The following SLC44A3 variants were observed in gnomAD, a reference collection of about 807,000 sequenced individuals.
SLC44A3 encodes solute carrier family 44 member 3.
A neutral mutation model predicts 75.4 loss-of-function variants in SLC44A3; 74 were observed. The observed-to-expected ratio is 0.98, with a 90% confidence interval of 0.81 to 1.19. SLC44A3 has a LOEUF of 1.19. Among genes scored for constraint, SLC44A3 ranks in the 50% most tolerant of loss-of-function variants. The pLI is 0.00. For missense variants in SLC44A3, 700 were observed against 778.6 expected, an observed-to-expected ratio of 0.90 and a Z score of 1.20; for synonymous variants, 310 against 296.9, an observed-to-expected ratio of 1.04 and a Z score of -0.45.
At chr1:94,894,171 T>TAAG (rs1571503399) in intron 14 of SLC44A3, among the ~76,000 whole-genome samples, 1 of 152,336 alleles carries the variant, frequency 6.6e-6, no homozygotes, top group East Asian at 1.9e-4. Context: ...GAAACTTTCT[T>TAAG]AAGGATCCAG....
Position 94,876,602 on chromosome 1 carries a change from A to T in SLC44A3, c.1482+9185A>T, listed in dbSNP as rs76425384. Among the ~76,000 whole-genome samples, 180 of 152,352 alleles carry T rather than the reference A, an allele frequency of 1.2e-3. 4 individuals are homozygous for T. In the East Asian group the frequency reaches 0.032, roughly 27 times the overall value. Reference sequence around the variant, plus strand: ...TGTGAGTCACTGTGGCTGAAGGAATACATGCCACTTTGATTTAGCAGTCAC... The same window carrying T: ...TGTGAGTCACTGTGGCTGAAGGAATTCATGCCACTTTGATTTAGCAGTCAC... On this transcript the variant is annotated intron_variant, in intron 12 of 14. Coordinates refer to ENST00000271227, the MANE Select transcript of SLC44A3 (RefSeq NM_001114106.3).
intron 6 of SLC44A3, among the ~76,000 whole-genome samples, chr1:94,838,084 G>T (rs1286958528): frequency 6.6e-6 from 1 of 152,218 alleles, no homozygotes; most frequent in Non-Finnish European, 1.5e-5. Context: ...AGTGGGTAGG[G>T]TTGCCTTGAT....
intron 6 of SLC44A3, among the ~76,000 whole-genome samples, chr1:94,838,292 T>A (rs544539368): frequency 8.5e-5 from 13 of 152,362 alleles, no homozygotes; most frequent in African/African-American, 3.1e-4. Context: ...AGGACATGTA[T>A]GCATCCATGT....
chr1:94,830,444 C>T (rs947403524), intron 5 of SLC44A3, among the ~76,000 whole-genome samples: 1 of 152,148 alleles, frequency 6.6e-6, no homozygotes, highest in Non-Finnish European at 1.5e-5. Context: ...ATCTCGTGAC[C>T]TCGTGATCCG....
At chr1:94,841,935 T>A in intron 7 of SLC44A3, 65 bp from the exon 8 acceptor site, 1 of 1,527,998 alleles carries the variant, frequency 6.5e-7, no homozygotes, top group Non-Finnish European at 8.8e-7. Flanking sequence ...TGTGTGATTC[T>A]GTGTGCTGGG....
In SLC44A3 at chr1:94,837,723, C is replaced by T. The variant is rs1178422176; in HGVS notation, c.522C>T (p.Pro174=). The change falls in exon 6 of 15, where the codon CCC becomes CCT. Residue 174 remains proline, a synonymous_variant. Transcript: ENST00000271227. The part of the protein sequence containing the change: ...RLPVPPSKSF[P]LFNRCVPQTP... ...TCTCTATTTTTAGCAAGTCATTTCC[C>T]TTATTTAACCGATGTGTCCCTCAAA... 1 of 1,571,262 alleles carries T rather than the reference C, an allele frequency of 6.4e-7. No homozygotes were observed. Among genetic ancestry groups the T allele is most frequent in the East Asian group, 2.3e-5 (1 of 43,188 alleles).
chr1:94,849,873 C>T (rs887856054), intron 9 of SLC44A3, among the ~76,000 whole-genome samples: 14 of 152,164 alleles, frequency 9.2e-5, no homozygotes, highest in African/African-American at 3.4e-4. Context: ...ATCTCAGCCT[C>T]CCCAGTAGCT....
chr1:94,852,093 T>C (rs1268143308), intron 9 of SLC44A3, among the ~76,000 whole-genome samples: 4 of 152,218 alleles, frequency 2.6e-5, no homozygotes, highest in Non-Finnish European at 4.4e-5. Flanking sequence ...ATCCATTCAT[T>C]CATTCAATCA....
Position 94,842,176 on chromosome 1 carries a change from A to T in SLC44A3, c.885+52A>T, listed in dbSNP as rs779150618. The T allele has an allele frequency of 1.1e-5, 16 of 1,520,080 alleles. No individual in the cohort carries two copies. In the Middle Eastern group the frequency reaches 1.8e-3, roughly 168 times the overall value. The allele number at this position is 1,520,080 out of a possible 1,614,324, so 94.2% of individuals were successfully genotyped here. The stretch of plus-strand genomic sequence containing the variant: ...TCAGGTAGCCAGCCAGGACTCTGAA[A>T]TCCAAATCATTGAATTCTAGCCAAA... On this transcript the variant is annotated intron_variant, in intron 8 of 14. Coordinates refer to ENST00000271227, the MANE Select transcript of SLC44A3 (RefSeq NM_001114106.3).
chr1:94,842,068 G>A lies in SLC44A3; in HGVS notation c.829G>A (p.Glu277Lys). 6.2e-7 allele frequency: 1 copy of A among 1,613,642 alleles called. No homozygotes were observed. Among genetic ancestry groups the A allele is most frequent in the Non-Finnish European group, 8.5e-7 (1 of 1,179,844 alleles). Residue 277 changes from glutamate to lysine, a missense_variant, in exon 8 of 15, where the codon GAA becomes AAA. By Grantham distance (56) the Glu-to-Lys change is moderately conservative. Transcript: ENST00000271227. ...CGACCTCAGCATAGAATTGGACACA[G>A]AAAGGGAAAATATGAAGTGCGTGCT... ...TNDLSIELDT[E>K]RENMKCVLGF...
Position 94,822,302 on chromosome 1 carries a change from G to A in SLC44A3, c.135+1246G>A, listed in dbSNP as rs1660722633. On this transcript the variant is annotated intron_variant, in intron 2 of 14. Transcript: ENST00000271227. Reference sequence around the variant, plus strand: ...TTGTGAACCAGCTGAGAGGTGGCACGGAGCTGGAAACTGCTTTAAAATTAC... The same window carrying A: ...TTGTGAACCAGCTGAGAGGTGGCACAGAGCTGGAAACTGCTTTAAAATTAC... 2.6e-5 allele frequency among the ~76,000 whole-genome samples: 4 copies of A among 152,298 alleles called. 1 individual carries two copies. In the South Asian group the frequency reaches 6.2e-4, roughly 24 times the overall value.
intron 7 of SLC44A3, among the ~76,000 whole-genome samples, 165 bp downstream of exon 7, chr1:94,840,202 G>A (rs1663395598): frequency 6.6e-6 from 1 of 151,740 alleles, no homozygotes; most frequent in South Asian, 2.1e-4. Context: ...AGGACGATGG[G>A]AGTTGCTATG....
At chr1:94,842,833 C>T (rs754184663) in intron 8 of SLC44A3, among the ~76,000 whole-genome samples, 1 of 152,238 alleles carries the variant, frequency 6.6e-6, no homozygotes, top group Non-Finnish European at 1.5e-5. Context: ...CCCATTGAAT[C>T]TTGCAGCAAA....
chr1:94,867,345 G>T lies in SLC44A3; in HGVS notation c.1410G>T (p.Leu470Phe), dbSNP rs751631368. The T allele has an allele frequency of 1.9e-6, 3 of 1,598,084 alleles. No homozygotes were observed. In the South Asian group the frequency reaches 3.4e-5, roughly 18 times the overall value. Residue 470 changes from leucine to phenylalanine, a missense_variant, in exon 12 of 15, where the codon TTG becomes TTT. Transcript: ENST00000271227. ...NALKEQQHGA[L>F]SRYLFRCCYC... ...ACCTGATCCAGCAGCATGGTGCATT[G>T]TCCAGGTACCTGTTCCGATGCTGCT...
intron 5 of SLC44A3, among the ~76,000 whole-genome samples, chr1:94,832,794 C>A (rs987909593): frequency 2.0e-5 from 3 of 152,102 alleles, no homozygotes; most frequent in Non-Finnish European, 4.4e-5. Flanking sequence ...GACAACATAA[C>A]GAGACCATGT....
rs1188511324 is a variant in SLC44A3, at chr1:94,837,603, A to T, written c.510-108A>T. ...CAAATGGCATGCTAGACGCCTCTCT[A>T]TTACTGTAGTTCTTAAGCTTTTTTG... On this transcript the variant is annotated intron_variant, in intron 5 of 14. Coordinates refer to ENST00000271227, the MANE Select transcript of SLC44A3 (RefSeq NM_001114106.3). 4.4e-6 allele frequency: 5 copies of T among 1,124,726 alleles called. No individual in the cohort carries two copies. In the African/African-American group the frequency reaches 8.1e-5, roughly 18 times the overall value. The allele number at this position is 1,124,726 out of a possible 1,614,324, so 69.7% of individuals were successfully genotyped here.
intron 5 of SLC44A3, among the ~76,000 whole-genome samples, chr1:94,833,966 A>C (rs1371135752): frequency 6.6e-6 from 1 of 152,224 alleles, no homozygotes; most frequent in Non-Finnish European, 1.5e-5. Flanking sequence ...GTGACTAGAT[A>C]CTGTAAGCTA....
intron 12 of SLC44A3, among the ~76,000 whole-genome samples, chr1:94,890,151 A>G (rs1053031200): frequency 2.0e-5 from 3 of 152,124 alleles, no homozygotes; most frequent in Non-Finnish European, 2.9e-5. Context: ...CACCTGGCCT[A>G]TTTCTAGAAT....
chr1:94,876,260 C>T (rs1353582114), intron 12 of SLC44A3, among the ~76,000 whole-genome samples: 2 of 152,236 alleles, frequency 1.3e-5, no homozygotes, highest in East Asian at 1.9e-4. Flanking sequence ...TTAGCTTCAA[C>T]GTTTCCCAAA....
Sources: allele counts gnomAD v4.1 joint callset (sites outside exome capture counted in the v4.1 genomes callset), GRCh38; gene constraint gnomAD v4.1.1; transcripts MANE v1.5; gene names NCBI Gene and HGNC (gene_info 2026-07-23, HGNC 2026-07-21).